Variants in OPCML observed in about 807,000 individuals in gnomAD.
OPCML encodes the protein opioid binding protein/cell adhesion molecule like.
In OPCML, 13 loss-of-function variants were observed where a neutral mutation model predicts 37.8. The observed-to-expected ratio is 0.34, with a 90% CI of 0.22 to 0.55. The LOEUF (loss-of-function observed/expected upper bound fraction) is 0.55, where lower values mean the gene tolerates loss of function less well. OPCML is among the 20% of genes least tolerant of loss of function. OPCML has a pLI of 0.91. For missense variants in OPCML, 341 were observed against 435.6 expected (o/e 0.78, Z 1.93); for synonymous variants, 176 against 168.8 (o/e 1.04, Z -0.33).
rs144480054 is a variant in OPCML, at chr11:132,871,127, T to A, written c.146+71799A>T. 5.1e-3 allele frequency among the ~76,000 whole-genome samples: 771 copies of A among 152,076 alleles called. 5 individuals carry two copies. The highest frequency in any genetic ancestry group is 7.9e-3 in the Non-Finnish European group (535 of 68,006). On this transcript the variant is annotated intron_variant, in intron 2 of 7. Coordinates refer to ENST00000524381, the MANE Select transcript of OPCML (RefSeq NM_001012393.5). ...TTAACTCAATTTAGCCATTCCACAA[T>A]GTATATGTATATATTCCAAAACAAC... is the stretch of plus-strand genomic sequence containing the variant.
At position 132,541,996 on chromosome 11, in the gene OPCML, C is replaced by T. The variant is rs545820352; in HGVS notation, c.380-12810G>A. 3.3e-4 allele frequency among the ~76,000 whole-genome samples: 50 copies of T among 152,318 alleles called. No individual in the cohort carries two copies. In the South Asian group the frequency reaches 4.8e-3, roughly 15 times the overall value. Reference sequence around the variant, plus strand: ...TGAGTAGGAGGAAAACCAAATGAGGCAATGCAGGGGAAGTCCAGCATCTTC... The same window carrying T: ...TGAGTAGGAGGAAAACCAAATGAGGTAATGCAGGGGAAGTCCAGCATCTTC... On this transcript the variant is annotated intron_variant, in intron 3 of 7. Transcript: ENST00000524381.
chr11:133,241,744 G>T (rs1203721162), intron 1 of OPCML, among the ~76,000 whole-genome samples: 1 of 152,112 alleles, frequency 6.6e-6, no homozygotes, highest in African/African-American at 2.4e-5. Context: ...TGCACTCCCC[G>T]CCGCCATCAG....
At chr11:132,928,164 G>C (rs1945064447) in intron 2 of OPCML, among the ~76,000 whole-genome samples, 1 of 151,896 alleles carries the variant, frequency 6.6e-6, no homozygotes, top group Admixed American at 6.6e-5. Context: ...GGATTAAACG[G>C]CACAATCTAA....
intron 1 of OPCML, among the ~76,000 whole-genome samples, chr11:133,452,927 C>A (rs2136961906): frequency 6.7e-6 from 1 of 148,484 alleles, no homozygotes; most frequent in East Asian, 1.9e-4. Flanking sequence ...CCAAAAGTAG[C>A]CAGGAAATCT....
chr11:132,479,228 G>C (rs1156382791), intron 4 of OPCML, among the ~76,000 whole-genome samples: 2 of 152,192 alleles, frequency 1.3e-5, no homozygotes, highest in African/African-American at 4.8e-5. Flanking sequence ...CAAGGGGTCA[G>C]GGAGTTCCCT....
chr11:132,841,997 G>A (rs1941313577), intron 2 of OPCML, among the ~76,000 whole-genome samples: 1 of 150,220 alleles, frequency 6.7e-6, no homozygotes, highest in African/African-American at 2.4e-5. Flanking sequence ...ACTTAAAATT[G>A]TATCTTAAAT....
chr11:133,300,387 C>T (rs1421816783), intron 1 of OPCML: 1 of 152,110 alleles, frequency 6.6e-6, no homozygotes, highest in Non-Finnish European at 1.5e-5. Context: ...AACATCCTTG[C>T]TTAGCCCCTC....
At chr11:133,246,109 A>C (rs1213628092) in intron 1 of OPCML, among the ~76,000 whole-genome samples, 2 of 152,222 alleles carry the variant, frequency 1.3e-5, no homozygotes, top group Admixed American at 6.5e-5. Flanking sequence ...TGTATCCCAG[A>C]ACTTAAAGTA....
At position 133,532,448 on chromosome 11, in the gene OPCML, GAGC is replaced by G; in HGVS notation, c.-127_-125del. 1 of 1,187,240 alleles carries G rather than the reference GAGC, an allele frequency of 8.4e-7. No homozygotes were observed. Among genetic ancestry groups the G allele is most frequent in the Non-Finnish European group, 1.2e-6 (1 of 825,226 alleles). 73.5% of individuals were successfully genotyped at this position (1,187,240 alleles called of 1,614,324 possible). On this transcript the variant is annotated 5_prime_UTR_variant, in exon 1 of 8. Transcript: ENST00000524381. ...TCCAATGTTTGCAAAGGGAGGGAGAGAGCAGAAGAGAGAGAGAGCGCGCGAGAG... is the reference window on the plus strand; with the variant it reads ...TCCAATGTTTGCAAAGGGAGGGAGAGAGAAGAGAGAGAGAGCGCGCGAGAG...
chr11:132,908,642 C>T (rs1944322408), intron 2 of OPCML, among the ~76,000 whole-genome samples: 1 of 152,144 alleles, frequency 6.6e-6, no homozygotes, highest in Non-Finnish European at 1.5e-5. Flanking sequence ...CCGGATTGAC[C>T]ACAGCGCCAC....
chr11:132,876,805 A>G (rs1943036605), intron 2 of OPCML, among the ~76,000 whole-genome samples: 1 of 152,206 alleles, frequency 6.6e-6, no homozygotes, highest in African/African-American at 2.4e-5. Context: ...ACACAATGCC[A>G]TCAGGGAAGG....
chr11:132,859,925 T>A (rs568548668), intron 2 of OPCML: 18 of 152,330 alleles, frequency 1.2e-4, no homozygotes, highest in African/African-American at 4.1e-4. Context: ...ACTAACCCTT[T>A]CATTTTCTGC....
chr11:132,669,053 G>C (rs977604279), intron 2 of OPCML, among the ~76,000 whole-genome samples: 24 of 152,200 alleles, frequency 1.6e-4, no homozygotes, highest in African/African-American at 5.5e-4. Flanking sequence ...CCTGTGGTTG[G>C]TGAAATGCTG....
At chr11:133,294,814 T>TC (rs1942583357) in intron 1 of OPCML, among the ~76,000 whole-genome samples, 1 of 134,288 alleles carries the variant, frequency 7.4e-6, no homozygotes, top group African/African-American at 3.1e-5. Flanking sequence ...TTTCTTTCTT[T>TC]CTTTTTTTTT....
intron 2 of OPCML, among the ~76,000 whole-genome samples, chr11:132,843,638 CT>C (rs995763128): frequency 6.6e-6 from 1 of 151,632 alleles, no homozygotes; most frequent in Admixed American, 6.6e-5. Context: ...CAATTGATAT[CT>C]GTTGAAGAAT....
chr11:132,428,859 C>T (rs146762263), intron 7 of OPCML, among the ~76,000 whole-genome samples: 118 of 152,332 alleles, frequency 7.7e-4, no homozygotes, highest in African/African-American at 2.5e-3. Context: ...CACTCGATAG[C>T]TGGCAGCTTC....
At chr11:133,394,998 A>G (rs1389513532) in intron 1 of OPCML, among the ~76,000 whole-genome samples, 1 of 152,224 alleles carries the variant, frequency 6.6e-6, no homozygotes, top group Non-Finnish European at 1.5e-5. Context: ...CTGACAGTGT[A>G]CAAGGGTTCC....
intron 1 of OPCML, among the ~76,000 whole-genome samples, chr11:133,367,884 C>A (rs1944580562): frequency 6.6e-6 from 1 of 152,146 alleles, no homozygotes; most frequent in Admixed American, 6.5e-5. Flanking sequence ...GAACACAAAG[C>A]AGAATGTTGG....
At chr11:132,797,260 C>G (rs1304629021) in intron 2 of OPCML, among the ~76,000 whole-genome samples, 4 of 152,184 alleles carry the variant, frequency 2.6e-5, no homozygotes, top group African/African-American at 9.7e-5. Context: ...GGTCTGTGAT[C>G]CATGTTGGAT....
Sources: allele counts gnomAD v4.1 joint callset (sites outside exome capture counted in the v4.1 genomes callset), GRCh38; gene constraint gnomAD v4.1.1; transcripts MANE v1.5; gene names NCBI Gene and HGNC (gene_info 2026-07-23, HGNC 2026-07-21).